The following PXDNL variants were observed in gnomAD, a reference collection of about 807,000 sequenced individuals.
PXDNL encodes the protein peroxidasin like.
In PXDNL, 145 loss-of-function variants were observed where a neutral mutation model predicts 150.8. The observed-to-expected ratio is 0.96, with a 90% confidence interval of 0.84 to 1.10. PXDNL has a LOEUF of 1.10. Among genes scored for constraint, PXDNL ranks in the 50% least tolerant of loss-of-function variants. The probability of loss-of-function intolerance (pLI) is 0.00; values close to 1 mark genes in which losing one functional copy is unlikely to be tolerated. For synonymous variants in PXDNL, 757 were observed against 725.7 expected (o/e 1.04, Z -0.69); for missense variants, 2,087 against 1,873.9 (o/e 1.11, Z -2.10).
chr8:51,532,782 G>T (rs1013597800), intron 4 of PXDNL, among the ~76,000 whole-genome samples: 2 of 152,154 alleles, frequency 1.3e-5, no homozygotes, highest in Non-Finnish European at 2.9e-5. Flanking sequence ...GAACATGGAT[G>T]CAGAGCAGCC....
intron 1 of PXDNL, among the ~76,000 whole-genome samples, chr8:51,661,764 A>T (rs16916675): frequency 0.12 from 18,908 of 152,048 alleles, 1,970 homozygotes; most frequent in African/African-American, 0.27. Flanking sequence ...GAGGAAAGCC[A>T]GAAAGGAAGG....
intron 1 of PXDNL, among the ~76,000 whole-genome samples, chr8:51,807,105 C>G (rs1422563951): frequency 6.6e-6 from 1 of 152,168 alleles, no homozygotes; most frequent in African/African-American, 2.4e-5. Flanking sequence ...GTGCATCAGT[C>G]TGTTTTCACA....
chr8:51,459,116 T>C (rs575053754), intron 8 of PXDNL, among the ~76,000 whole-genome samples: 1 of 152,334 alleles, frequency 6.6e-6, no homozygotes, highest in South Asian at 2.1e-4. Context: ...GTAAGTAGCA[T>C]GAAACGAACA....
At chr8:51,750,188 ATTTT>A (rs903109941) in intron 1 of PXDNL, among the ~76,000 whole-genome samples, 1 of 151,670 alleles carries the variant, frequency 6.6e-6, no homozygotes, top group Admixed American at 6.6e-5. Context: ...AGCTTTTTAA[ATTTT>A]TTTTTCTTTT....
chr8:51,601,205 C>CA (rs1424955193), intron 2 of PXDNL, among the ~76,000 whole-genome samples: 1 of 151,494 alleles, frequency 6.6e-6, no homozygotes, highest in African/African-American at 2.4e-5. Context: ...GTGGTTGATC[C>CA]ATGGAGTATT....
chr8:51,499,852 C>CT, intron 4 of PXDNL, 82 bp from the exon 5 acceptor site: 1 of 894,408 alleles, frequency 1.1e-6, no homozygotes, highest in Non-Finnish European at 1.9e-6. Context: ...ATTGCTTCAG[C>CT]TGAAATTATG....
intron 1 of PXDNL, among the ~76,000 whole-genome samples, chr8:51,748,291 A>G (rs968695062): frequency 2.0e-5 from 3 of 152,232 alleles, no homozygotes; most frequent in Non-Finnish European, 4.4e-5. Flanking sequence ...CCAAATGAAT[A>G]AGGTGAACTG....
At chr8:51,803,815 G>A (rs1271772734) in intron 1 of PXDNL, among the ~76,000 whole-genome samples, 1 of 152,118 alleles carries the variant, frequency 6.6e-6, no homozygotes, top group East Asian at 1.9e-4. Context: ...CATTTCTTCT[G>A]TTCAACCTAA....
chr8:51,489,680 T>G (rs546158474), intron 5 of PXDNL, among the ~76,000 whole-genome samples: 1 of 152,140 alleles, frequency 6.6e-6, no homozygotes, highest in Admixed American at 6.6e-5. Flanking sequence ...TCCTATAAAA[T>G]AGAATCATAA....
At chr8:51,685,167 G>A (rs570522491) in intron 1 of PXDNL, among the ~76,000 whole-genome samples, 27 of 152,266 alleles carry the variant, frequency 1.8e-4, no homozygotes, top group Non-Finnish European at 3.8e-4. Flanking sequence ...CTGATTATAG[G>A]TATCACCACA....
At chr8:51,767,130 A>G (rs557931312) in intron 1 of PXDNL, among the ~76,000 whole-genome samples, 43 of 152,086 alleles carry the variant, frequency 2.8e-4, no homozygotes, top group African/African-American at 9.9e-4. Flanking sequence ...ATAACAGCTG[A>G]TTTAAAATCT....
chr8:51,426,416 C>A (rs1169040981), intron 13 of PXDNL, among the ~76,000 whole-genome samples: 2 of 150,734 alleles, frequency 1.3e-5, no homozygotes, highest in East Asian at 2.0e-4. Context: ...CATCACCAGG[C>A]AAATTAGAAA....
intron 21 of PXDNL, among the ~76,000 whole-genome samples, chr8:51,336,024 A>T (rs1363507092): frequency 1.3e-5 from 2 of 152,144 alleles, no homozygotes; most frequent in Admixed American, 6.5e-5. Flanking sequence ...GTCAAGACAG[A>T]CCTTATGTTG....
intron 17 of PXDNL, among the ~76,000 whole-genome samples, chr8:51,396,700 G>A (rs1808093855): frequency 6.6e-6 from 1 of 152,202 alleles, no homozygotes. Flanking sequence ...AAAGGTTGAG[G>A]TGAGCTGAGA....
At chr8:51,548,315 C>T (rs1260528467) in intron 4 of PXDNL, among the ~76,000 whole-genome samples, 1 of 152,138 alleles carries the variant, frequency 6.6e-6, no homozygotes, top group Non-Finnish European at 1.5e-5. Context: ...GAGGTCTAGA[C>T]ATCCAAATAC....
chr8:51,395,306 T>C (rs1263910856), intron 17 of PXDNL, among the ~76,000 whole-genome samples: 1 of 152,146 alleles, frequency 6.6e-6, no homozygotes, highest in Non-Finnish European at 1.5e-5. Context: ...CTCAACCAAT[T>C]CAGAACTATC....
intron 2 of PXDNL, 28 bp downstream of exon 2, chr8:51,654,661 A>G: frequency 6.4e-7 from 1 of 1,566,240 alleles, no homozygotes; most frequent in Non-Finnish European, 8.8e-7. Flanking sequence ...AATTTTAGGA[A>G]CCTTACAGAT....
intron 1 of PXDNL, among the ~76,000 whole-genome samples, chr8:51,694,482 T>C (rs1012993816): frequency 2.0e-5 from 3 of 152,396 alleles, no homozygotes; most frequent in Admixed American, 6.5e-5. Flanking sequence ...GCCCACGTTC[T>C]CACATTTACA....
chr8:51,766,551 T>C (rs2037233753), intron 1 of PXDNL, among the ~76,000 whole-genome samples: 1 of 152,338 alleles, frequency 6.6e-6, no homozygotes, highest in South Asian at 2.1e-4. Flanking sequence ...CATATCTGTT[T>C]ATCTGGGAAT....
Sources: gnomAD v4.1 joint callset for allele counts (sites outside exome capture counted in the v4.1 genomes callset) on GRCh38, gnomAD v4.1.1 for gene constraint, MANE v1.5 for transcripts, NCBI Gene and HGNC (gene_info 2026-07-23, HGNC 2026-07-21) for gene names.